Variants in RADX observed in about 807,000 individuals in gnomAD.
RADX encodes RPA1 related single stranded DNA binding protein, X-linked, also known as RPA-related protein RADX.
A neutral mutation model predicts 61.6 loss-of-function variants in RADX; 36 were observed. The observed-to-expected ratio is 0.58, with a 90% CI of 0.45 to 0.77. The LOEUF (loss-of-function observed/expected upper bound fraction) is 0.77. Among genes scored for constraint, RADX ranks in the 30% least tolerant of loss-of-function variants. The pLI is 0.00. For synonymous variants in RADX, 272 were observed against 237.9 expected (o/e 1.14, Z -1.32); for missense variants, 497 against 651.1 (o/e 0.76, Z 2.58).
At chrX:106,669,018 A>C (rs1928298717) in intron 12 of RADX, 145 bp from the exon 13 acceptor site, 1 of 500,910 alleles carries the variant, frequency 2.0e-6, no homozygotes, top group Non-Finnish European at 3.5e-6. Flanking sequence ...TTGCAATACT[A>C]GGAGTTTAGT....
chrX:106,618,450 C>T (rs184283393), intron 1 of RADX, among the ~76,000 whole-genome samples: 277 of 110,613 alleles, frequency 2.5e-3, no homozygotes, highest in African/African-American at 8.9e-3. Flanking sequence ...CTGATGGTAA[C>T]AATGCTATTG....
Position 106,639,653 on chromosome X carries a change from C to T in RADX, c.1700C>T (p.Ala567Val). The change falls in exon 9 of 14, where the codon GCG (alanine) becomes GTG (valine). Residue 567 changes from alanine to valine, a missense_variant. Transcript: ENST00000372548. ...TAIKYIPHSS[A>V]TESASASETL... The stretch of plus-strand genomic sequence containing the variant: ...ATAAAGTATATCCCCCATAGCAGTG[C>T]GACTGAAAGTGCCTCAGCATCAGAA... 4.2e-6 allele frequency: 5 copies of T among 1,188,690 alleles called. No individual in the cohort carries two copies. Among genetic ancestry groups the T allele is most frequent in the Non-Finnish European group, 5.7e-6 (5 of 884,909 alleles).
chrX:106,671,829 T>C (rs1277384414), intron 13 of RADX, among the ~76,000 whole-genome samples: 1 of 109,354 alleles, frequency 9.1e-6, no homozygotes, highest in African/African-American at 3.5e-5. Flanking sequence ...GTTTTACCTT[T>C]CATTTGTCTC....
chrX:106,658,614 A>T (rs2147636061), intron 11 of RADX, among the ~76,000 whole-genome samples: 1 of 112,422 alleles, frequency 8.9e-6, no homozygotes, highest in South Asian at 3.7e-4. Context: ...GCATATTAAT[A>T]TACTGTAATA....
rs774367478 is a variant in RADX, at chrX:106,633,174, G to A, written c.1225G>A (p.Asp409Asn). 1 of 1,202,465 alleles carries A rather than the reference G, an allele frequency of 8.3e-7. No individual in the cohort carries two copies. The highest frequency in any genetic ancestry group is 1.1e-6 in the Non-Finnish European group (1 of 887,403). ...GTCATATCGCTGGATTCACATTGCT[G>A]ACGGTACTTCAGAACAACCATTTAT... ...FWSYRWIHIA[D>N]GTSEQPFIVE... is the part of the protein sequence containing the mutation. Residue 409 changes from aspartate to asparagine, a missense_variant, in exon 6 of 14, where the codon GAC becomes AAC. Physicochemically the swap from Asp to Asn is conservative, Grantham distance 23 (BLOSUM62 1). Coordinates refer to ENST00000372548, the MANE Select transcript of RADX (RefSeq NM_018015.6).
chrX:106,661,924 C>T, intron 11 of RADX, 91 bp from the exon 12 acceptor site: 2 of 758,812 alleles, frequency 2.6e-6, no homozygotes, highest in Non-Finnish European at 3.8e-6. Flanking sequence ...TTAAACTCTT[C>T]CTCATTAATG....
intron 12 of RADX, among the ~76,000 whole-genome samples, chrX:106,663,859 T>C (rs995567838): frequency 3.6e-5 from 4 of 111,861 alleles, no homozygotes; most frequent in Non-Finnish European, 7.5e-5. Flanking sequence ...TAGTGCTCTA[T>C]TAAAACAGCT....
At chrX:106,625,864 C>T (rs1927064540) in intron 3 of RADX, among the ~76,000 whole-genome samples, 2 of 111,135 alleles carry the variant, frequency 1.8e-5, no homozygotes, top group African/African-American at 6.5e-5. Context: ...ATCATACATA[C>T]CCCTTTAAGC....
At chrX:106,639,439 T>G (rs1442541483) in intron 8 of RADX, 88 bp from the exon 9 acceptor site, 1 of 769,001 alleles carries the variant, frequency 1.3e-6, no homozygotes, top group Non-Finnish European at 1.9e-6. Flanking sequence ...TTTATAATTT[T>G]GTGTTGTGAA....
At chrX:106,658,017 A>G (rs1040994858) in intron 11 of RADX, among the ~76,000 whole-genome samples, 1 of 111,952 alleles carries the variant, frequency 8.9e-6, no homozygotes, top group African/African-American at 3.2e-5. Context: ...AATAAAGTGC[A>G]TTAAAACAAG....
chrX:106,662,969 A>C (rs1928141940), intron 12 of RADX, among the ~76,000 whole-genome samples: 1 of 110,938 alleles, frequency 9.0e-6, no homozygotes, highest in Non-Finnish European at 1.9e-5. Context: ...ACACACAAAA[A>C]AATTCTAAAA....
chrX:106,636,511 A>G lies in RADX; in HGVS notation c.1304-32A>G, dbSNP rs756908239. 7 of 895,426 alleles carry G rather than the reference A, an allele frequency of 7.8e-6. No individual in the cohort carries two copies. The East Asian group carries it at 2.2e-4, about 28-fold the overall frequency. The allele number at this position is 895,426 out of a possible 1,213,427, so 73.8% of individuals were successfully genotyped here. A position where few individuals can be genotyped will look rare whatever the true frequency, so the allele number is the denominator to read the frequency against. ...CTTGTTATGTCCTATTTGAAATGGA[A>G]AAGTAATTTCATAAGTGTTTTTGTT... On this transcript the variant is annotated intron_variant, in intron 6 of 13. Transcript: ENST00000372548.
At chrX:106,656,233 T>A (rs759745623) in intron 11 of RADX, among the ~76,000 whole-genome samples, 9 of 112,232 alleles carry the variant, frequency 8.0e-5, no homozygotes, top group Admixed American at 7.6e-4. Context: ...AGTTTTATGA[T>A]GAGATTGCAG....
At chrX:106,667,833 G>A (rs1353465357) in intron 12 of RADX, among the ~76,000 whole-genome samples, 5 of 111,071 alleles carry the variant, frequency 4.5e-5, no homozygotes, top group Admixed American at 2.9e-4. Context: ...AAGTTGGAAC[G>A]GTCAATGGTA....
rs1334251816 is a variant in RADX, at chrX:106,640,404, TTCAA to T, written c.1735-144_1735-141del. On this transcript the variant is annotated intron_variant, in intron 9 of 13. Transcript: ENST00000372548. ...ATATTTTAATAGCAGATGGATTAGA[TTCAA>T]TCATTTTCATAAAAGCACTGTTATG... 1.5e-5 allele frequency: 6 copies of T among 400,182 alleles called. No individual in the cohort carries two copies. In the Admixed American group the frequency reaches 1.8e-4, roughly 12 times the overall value. 33.0% of individuals were successfully genotyped at this position (400,182 alleles called of 1,213,427 possible).
Position 106,612,003 on chromosome X carries a change from C to T in RADX, c.-78C>T. On this transcript the variant is annotated 5_prime_UTR_variant, in exon 1 of 14. Transcript: ENST00000372548. ...GGCAGAGTAGCGATCGTCGCCAAAG[C>T]GCGCGGTTTTATTTCTCTCCGCTTT... 1 of 1,070,267 alleles carries T rather than the reference C, an allele frequency of 9.3e-7. No homozygotes were observed. The allele number at this position is 1,070,267 out of a possible 1,213,427, so 88.2% of individuals were successfully genotyped here. A position where few individuals can be genotyped will look rare whatever the true frequency, so the allele number is the denominator to read the frequency against.
At chrX:106,676,063 G>A (rs756809212) in intron 13 of RADX, among the ~76,000 whole-genome samples, 3 of 111,838 alleles carry the variant, frequency 2.7e-5, no homozygotes, top group Non-Finnish European at 5.6e-5. Context: ...ATTTTATGTT[G>A]TGGATAGAAG....
At chrX:106,627,789 T>C (rs1212242436) in intron 3 of RADX, among the ~76,000 whole-genome samples, 2 of 112,218 alleles carry the variant, frequency 1.8e-5, no homozygotes, top group East Asian at 5.6e-4. Context: ...GCTGATCCCA[T>C]AGAAACAGAG....
intron 11 of RADX, among the ~76,000 whole-genome samples, chrX:106,649,358 G>T (rs73529275): frequency 0.026 from 2,945 of 111,645 alleles, 96 homozygotes; most frequent in African/African-American, 0.091. Context: ...AAATGAAGGA[G>T]AAAACCATAA....
Sources: gnomAD v4.1 joint callset for allele counts (sites outside exome capture counted in the v4.1 genomes callset) on GRCh38, gnomAD v4.1.1 for gene constraint, MANE v1.5 for transcripts, NCBI Gene and HGNC (gene_info 2026-07-23, HGNC 2026-07-21) for gene names.